The following PARP15 variants were observed in gnomAD, a reference collection of about 807,000 sequenced individuals.
The protein encoded by PARP15 is poly(ADP-ribose) polymerase family member 15, also known as protein mono-ADP-ribosyltransferase PARP15.
In PARP15, 50 loss-of-function variants were observed where a neutral mutation model predicts 62.1. The ratio of observed to expected loss-of-function variants is 0.81; its 90% CI spans 0.64 to 1.02. PARP15 has a LOEUF of 1.02. Ranked by LOEUF, PARP15 falls within the 50% of genes least tolerant of loss-of-function variation. The pLI is 0.00. For synonymous variants in PARP15, 309 were observed against 293.1 expected (o/e 1.05, Z -0.55); for missense variants, 820 against 826.5 (o/e 0.99, Z 0.10).
intron 9 of PARP15, among the ~76,000 whole-genome samples, 198 bp from the exon 10 acceptor site, chr3:122,631,888 G>A (rs1329285872): frequency 6.6e-6 from 1 of 152,144 alleles, no homozygotes; most frequent in African/African-American, 2.4e-5. Flanking sequence ...TGAATATATT[G>A]TGTCATATTT....
rs1174782839 is a variant in PARP15, at chr3:122,613,076, T to C, written c.579T>C (p.Thr193=). ...ATATAATCAAGAAATGTTTGACAAC[T>C]GTAGAAGTGCTATCTTTCTCATCAA... ...MANIIKKCLT[T]VEVLSFSSIT... is the part of the protein sequence containing the mutation. The change falls in exon 4 of 12, where the codon ACT becomes ACC. Residue 193 remains threonine (T), a synonymous_variant. Transcript: ENST00000464300. 3 of 1,551,792 alleles carry C rather than the reference T, an allele frequency of 1.9e-6. No individual in the cohort carries two copies. Among genetic ancestry groups the C allele is most frequent in the African/African-American group, 1.4e-5 (1 of 73,052 alleles).
At chr3:122,633,682 T>A (rs566753693) in intron 10 of PARP15, among the ~76,000 whole-genome samples, 1 of 152,306 alleles carries the variant, frequency 6.6e-6, no homozygotes, top group South Asian at 2.1e-4. Flanking sequence ...TTAATACAAA[T>A]ACAGTACTAT....
chr3:122,628,913 T>G (rs1936899684), intron 9 of PARP15, among the ~76,000 whole-genome samples: 1 of 152,214 alleles, frequency 6.6e-6, no homozygotes, highest in African/African-American at 2.4e-5. Context: ...CAAAAAGAAC[T>G]TAAAGAGGAT....
At chr3:122,593,854 T>C (rs1176252655) in intron 1 of PARP15, among the ~76,000 whole-genome samples, 1 of 152,144 alleles carries the variant, frequency 6.6e-6, no homozygotes, top group Non-Finnish European at 1.5e-5. Context: ...AAAAAAAAGT[T>C]GTGCTCTTTC....
In PARP15 at chr3:122,613,287, T is replaced by G. The variant is rs1935707870; in HGVS notation, c.771+19T>G. The G allele has an allele frequency of 6.6e-7, 1 of 1,506,896 alleles. No homozygotes were observed. The highest frequency in any genetic ancestry group is 9.0e-7 in the Non-Finnish European group (1 of 1,106,164). The allele number at this position is 1,506,896 out of a possible 1,614,324, so 93.3% of individuals were successfully genotyped here. A position where few individuals can be genotyped will look rare whatever the true frequency, so the allele number is the denominator to read the frequency against. On this transcript the variant is annotated intron_variant, in intron 4 of 11. Coordinates refer to ENST00000464300, the MANE Select transcript of PARP15 (RefSeq NM_001113523.3). ...CTGTCAGGTATGGTTACATATCCCA[T>G]CTGGTTAATTCTGGCAAGTGAACCC...
rs1263960464 is a variant in PARP15, at chr3:122,636,333, C to T, written c.*233C>T. 129 of 491,402 alleles carry T rather than the reference C, an allele frequency of 2.6e-4. No individual in the cohort carries two copies. The East Asian group carries it at 4.2e-3, about 16-fold the overall frequency. The allele number at this position is 491,402 out of a possible 1,614,324, so 30.4% of individuals were successfully genotyped here. ...TATGGTAAATGTCACAGAGCTACAA[C>T]CATTCACAGACACCAAATCTCTAGG... On this transcript the variant is annotated 3_prime_UTR_variant, in exon 12 of 12. Coordinates refer to ENST00000464300, the MANE Select transcript of PARP15 (RefSeq NM_001113523.3).
chr3:122,615,723 T>A, intron 4 of PARP15, 56 bp from the exon 5 acceptor site: 1 of 1,606,552 alleles, frequency 6.2e-7, no homozygotes, highest in South Asian at 1.1e-5. Flanking sequence ...CTCCAAAGAA[T>A]TGGATTAATA....
At chr3:122,593,685 C>G (rs1288366188) in intron 1 of PARP15, among the ~76,000 whole-genome samples, 1 of 152,086 alleles carries the variant, frequency 6.6e-6, no homozygotes, top group Non-Finnish European at 1.5e-5. Context: ...CATTTGTTTT[C>G]TCTAGTGTTT....
chr3:122,579,999 G>GTGTATATATATATATATA (rs1553725409), intron 1 of PARP15, among the ~76,000 whole-genome samples: 3 of 64,476 alleles, frequency 4.7e-5, no homozygotes, highest in Admixed American at 1.9e-4. Context: ...GCAACTATAT[G>GTGTATATATATATATATA]TATATATATA....
rs932117315 is a variant in PARP15 at position 122,635,732 on chromosome 3, A to T, written c.1748-79A>T. On this transcript the variant is annotated intron_variant, in intron 11 of 11. Coordinates refer to ENST00000464300, the MANE Select transcript of PARP15 (RefSeq NM_001113523.3). ...CTGGCTAAAACTGCATTTAGAAAAC[A>T]ATTTTGTCAGATTGGGCATGGTTCT... is the stretch of plus-strand genomic sequence containing the variant. 33 of 1,483,488 alleles carry T rather than the reference A, an allele frequency of 2.2e-5. No individual in the cohort carries two copies. In the African/African-American group the frequency reaches 4.1e-4, roughly 18 times the overall value. 91.9% of individuals were successfully genotyped at this position (1,483,488 alleles called of 1,614,324 possible).
intron 5 of PARP15, among the ~76,000 whole-genome samples, chr3:122,616,327 CTTTTTTTT>C (rs869254516): frequency 4.1e-5 from 5 of 122,166 alleles, no homozygotes; most frequent in Non-Finnish European, 8.7e-5. Flanking sequence ...TCTGAGCAGT[CTTTTTTTT>C]TTTTTTTTTT....
intron 4 of PARP15, chr3:122,615,370 T>A: frequency 7.7e-7 from 1 of 1,295,702 alleles, no homozygotes; most frequent in Non-Finnish European, 1.0e-6. Context: ...CAGCCAAAGA[T>A]GCCAAGGAAC....
Position 122,613,154 on chromosome 3 carries a change from T to G in PARP15, c.657T>G (p.Phe219Leu). Residue 219 changes from phenylalanine to leucine, a missense_variant, in exon 4 of 12, where the codon TTT (phenylalanine) becomes TTG (leucine). Physicochemically the swap from Phe to Leu is conservative, Grantham distance 22. Around this residue, in one of 3 missense-constraint regions of PARP15, gnomAD observed 731 missense variants for 727.7 expected, o/e 1.00. Coordinates refer to ENST00000464300, the MANE Select transcript of PARP15 (RefSeq NM_001113523.3). The stretch of plus-strand genomic sequence containing the variant: ...GTTTGCAGTTTCCCAAAGCTGTTTT[T>G]GCTAAACTAATCCTTTCAGAAGTGT... ...TGSLQFPKAV[F>L]AKLILSEVFE... 1 of 1,551,792 alleles carries G rather than the reference T, an allele frequency of 6.4e-7. No homozygotes were observed. The highest frequency in any genetic ancestry group is 1.2e-5 in the South Asian group (1 of 84,070).
rs1387750408 is a variant in PARP15, at chr3:122,615,042, A to AG, written c.772-737_772-736insG. On this transcript the variant is annotated intron_variant, in intron 4 of 11. Coordinates refer to ENST00000464300, the MANE Select transcript of PARP15 (RefSeq NM_001113523.3). ...GAGACTCTGTCTGCAAAAAAAAAAAAAAAAGAAAAGAAAAGAAAAGAAAGA... is the reference window on the plus strand; with the variant it reads ...GAGACTCTGTCTGCAAAAAAAAAAAAGAAAAGAAAAGAAAAGAAAAGAAAGA... 6.7e-5 allele frequency: 65 copies of AG among 968,412 alleles called. No individual in the cohort carries two copies. In the African/African-American group the frequency reaches 7.2e-4, roughly 11 times the overall value. 60.0% of individuals were successfully genotyped at this position (968,412 alleles called of 1,614,324 possible).
chr3:122,587,073 T>G (rs982404975), intron 1 of PARP15, among the ~76,000 whole-genome samples: 2 of 152,052 alleles, frequency 1.3e-5, no homozygotes, highest in African/African-American at 4.8e-5. Flanking sequence ...TTTTTTCACT[T>G]AGTAATATGC....
intron 1 of PARP15, among the ~76,000 whole-genome samples, chr3:122,603,125 T>C (rs1342875140): frequency 3.9e-5 from 6 of 152,030 alleles, no homozygotes; most frequent in South Asian, 2.1e-4. Context: ...TGTGTGTCTT[T>C]GGCCACAGCC....
chr3:122,595,490 GT>G (rs1256963004), intron 1 of PARP15, among the ~76,000 whole-genome samples: 3 of 152,102 alleles, frequency 2.0e-5, no homozygotes, highest in African/African-American at 7.2e-5. Context: ...CTAAATACAG[GT>G]TTTTCACTCG....
At chr3:122,600,683 T>C (rs1576498283) in intron 1 of PARP15, among the ~76,000 whole-genome samples, 2 of 152,294 alleles carry the variant, frequency 1.3e-5, no homozygotes, top group East Asian at 3.9e-4. Flanking sequence ...AGTAAGCACA[T>C]ACCACAGGTG....
At chr3:122,586,294 A>G (rs1245661879) in intron 1 of PARP15, among the ~76,000 whole-genome samples, 1 of 151,952 alleles carries the variant, frequency 6.6e-6, no homozygotes, top group African/African-American at 2.4e-5. Context: ...CTAACCTGGA[A>G]CTCCTGTGTT....
Sources: gnomAD v4.1 joint callset for allele counts (sites outside exome capture counted in the v4.1 genomes callset) on GRCh38, gnomAD v4.1.1 for gene constraint, gnomAD v4.1.1 regional missense constraint, MANE v1.5 for transcripts, NCBI Gene and HGNC (gene_info 2026-07-23, HGNC 2026-07-21) for gene names.